Variants in ABCA10 observed in about 807,000 individuals in gnomAD.
The protein encoded by ABCA10 is ATP-binding cassette sub-family A member 10.
A neutral mutation model predicts 187.5 loss-of-function variants in ABCA10; 169 were observed. The ratio of observed to expected loss-of-function variants is 0.90; its 90% CI spans 0.80 to 1.02. The LOEUF is 1.02. Ranked by LOEUF, ABCA10 falls within the 50% of genes least tolerant of loss-of-function variation. The probability of loss-of-function intolerance (pLI) is 0.00; values close to 1 mark genes in which losing one functional copy is unlikely to be tolerated. For synonymous variants in ABCA10, 574 were observed against 601.8 expected, an observed-to-expected ratio of 0.95 and a Z score of 0.68; for missense variants, 1,727 against 1,812.4, an observed-to-expected ratio of 0.95 and a Z score of 0.86.
chr17:69,152,803 TAA>T (rs2074140520), intron 34 of ABCA10, among the ~76,000 whole-genome samples: 1 of 20,184 alleles, frequency 5.0e-5, no homozygotes, highest in Non-Finnish European at 1.9e-4. Context: ...TACAATTAAG[TAA>T]ATAAATAAAT....
rs560620724 is a variant in ABCA10, at chr17:69,225,777, G to A, written c.-171-248C>T. Among the ~76,000 whole-genome samples, 290 of 152,192 alleles carry A rather than the reference G, an allele frequency of 1.9e-3. No homozygotes were observed. In the Middle Eastern group the frequency reaches 0.034, roughly 18 times the overall value. ...ACCCAGTGATTTAGCACCCCTATTA[G>A]TGGGACTGCCATTGATTTTATGCCC... On this transcript the variant is annotated intron_variant, in intron 2 of 38. Coordinates refer to ENST00000690296, the MANE Select transcript of ABCA10 (RefSeq NM_001377321.1).
rs541854762 is a variant in ABCA10 at position 69,162,927 on chromosome 17, C to T, written c.3363+1147G>A. Among the ~76,000 whole-genome samples the T allele has an allele frequency of 2.4e-4, 36 of 151,790 alleles. No individual in the cohort carries two copies. The East Asian group carries it at 7.0e-3, about 30-fold the overall frequency. On this transcript the variant is annotated intron_variant, in intron 27 of 38. Transcript: ENST00000690296. ...AATCTCAGCTCACTGCAACCTCCAT[C>T]TCCTGGCTCAATCGATTCTCCTGCC...
chr17:69,233,668 T>C (rs980643517), upstream of ABCA10: 2 of 152,246 alleles, frequency 1.3e-5, no homozygotes, highest in South Asian at 2.1e-4. Flanking sequence ...GCATTTATTC[T>C]AGTTTCCCCA....
At chr17:69,208,665 T>C (rs2074611494) in intron 9 of ABCA10, among the ~76,000 whole-genome samples, 1 of 152,026 alleles carries the variant, frequency 6.6e-6, no homozygotes, top group African/African-American at 2.4e-5. Flanking sequence ...GGACAAAGGA[T>C]AAAACAAGAG....
chr17:69,151,513 C>T (rs2074127948), intron 36 of ABCA10, among the ~76,000 whole-genome samples: 1 of 152,146 alleles, frequency 6.6e-6, no homozygotes, highest in African/African-American at 2.4e-5. Flanking sequence ...AATTCAGCCT[C>T]ATTCTGCTAT....
intron 31 of ABCA10, 93 bp from the exon 32 acceptor site, chr17:69,154,102 A>G (rs1057220471): frequency 2.0e-6 from 3 of 1,503,714 alleles, no homozygotes; most frequent in African/African-American, 1.4e-5. Context: ...AAGCTACAAT[A>G]TTTTTTGAAT....
At chr17:69,195,595 G>T (rs2074493650) in intron 11 of ABCA10, among the ~76,000 whole-genome samples, 1 of 85,698 alleles carries the variant, frequency 1.2e-5, no homozygotes, top group Non-Finnish European at 2.3e-5. Context: ...TCATTCTTGG[G>T]TGTTTCTCAG....
chr17:69,164,482 G>T (rs1439059581), intron 26 of ABCA10, among the ~76,000 whole-genome samples: 1 of 152,116 alleles, frequency 6.6e-6, no homozygotes, highest in Admixed American at 6.5e-5. Context: ...TTTAGTTTCT[G>T]TCAGAAGTGG....
At chr17:69,223,585 A>G (rs1329567896) in intron 3 of ABCA10, 2 of 379,428 alleles carry the variant, frequency 5.3e-6, no homozygotes, top group South Asian at 1.9e-5. Flanking sequence ...GGTGAAATCT[A>G]CATTAAGATG....
At chr17:69,156,189 T>C (rs1175785961) in intron 28 of ABCA10, among the ~76,000 whole-genome samples, 1 of 152,182 alleles carries the variant, frequency 6.6e-6, no homozygotes. Flanking sequence ...ATCACTCAAA[T>C]GTAGACATAC....
chr17:69,160,293 T>C (rs757191194), intron 27 of ABCA10, among the ~76,000 whole-genome samples: 4 of 152,056 alleles, frequency 2.6e-5, no homozygotes, highest in Non-Finnish European at 5.9e-5. Flanking sequence ...ACAACAAAAA[T>C]TCAAATAACC....
intron 4 of ABCA10, among the ~76,000 whole-genome samples, chr17:69,222,291 T>C (rs1212538319): frequency 6.8e-6 from 1 of 147,358 alleles, no homozygotes; most frequent in Non-Finnish European, 1.5e-5. Context: ...TGAGCCAAGA[T>C]CGCGCCACTG....
intron 9 of ABCA10, among the ~76,000 whole-genome samples, chr17:69,204,867 A>T (rs9904672): frequency 6.6e-6 from 1 of 152,128 alleles, no homozygotes; most frequent in Non-Finnish European, 1.5e-5. Context: ...AGTGGCTCAC[A>T]CCTGAAATCC....
At chr17:69,221,653 G>A (rs946346581) in intron 5 of ABCA10, 139 bp downstream of exon 5, 1 of 717,516 alleles carries the variant, frequency 1.4e-6, no homozygotes, top group Non-Finnish European at 2.2e-6. Context: ...ATTCCCATGT[G>A]ACAGCTTTTG....
At position 69,152,409 on chromosome 17, in the gene ABCA10, A is replaced by T; in HGVS notation, c.4209T>A (p.Ala1403=). ...TLLTTHYMSE[A]EAVCDRMAMM... Reference sequence around the variant, plus strand: ...TGGCCATACGGTCACACACAGCCTCAGCCTCTGACATGTAATGGGTGGTCA... The same window carrying T: ...TGGCCATACGGTCACACACAGCCTCTGCCTCTGACATGTAATGGGTGGTCA... The change falls in exon 35 of 39, where the codon GCT becomes GCA. Residue 1403 remains alanine (A), a synonymous_variant. Transcript: ENST00000690296. The T allele has an allele frequency of 6.2e-7, 1 of 1,614,066 alleles. No homozygotes were observed. The highest frequency in any genetic ancestry group is 8.5e-7 in the Non-Finnish European group (1 of 1,179,958).
rs151007615 is a variant in ABCA10 at position 69,221,877 on chromosome 17, T to C, written c.218A>G (p.His73Arg). The C allele has an allele frequency of 1.9e-6, 3 of 1,613,114 alleles. No homozygotes were observed. Among genetic ancestry groups the C allele is most frequent in the Admixed American group, 1.7e-5 (1 of 59,900 alleles). ...SEYTEHCWAM[H>R]GEIFCYLAKY... ...TGCCAAGTAACAAAAAATTTCACCATGCATGGCCCAACAGTGTTCTTTAAG... is the reference window on the plus strand; with the variant it reads ...TGCCAAGTAACAAAAAATTTCACCACGCATGGCCCAACAGTGTTCTTTAAG... The change falls in exon 5 of 39, where the codon CAT becomes CGT. Residue 73 changes from histidine (H) to arginine (R), a missense_variant. By Grantham distance (29) the His-to-Arg change is conservative. Coordinates refer to ENST00000690296, the MANE Select transcript of ABCA10 (RefSeq NM_001377321.1).
At chr17:69,238,053 T>A (rs1358958727) in intron 1 of ABCA10, among the ~76,000 whole-genome samples, 1 of 151,654 alleles carries the variant, frequency 6.6e-6, no homozygotes, top group Non-Finnish European at 1.5e-5. Flanking sequence ...TCCCAGCTAC[T>A]CGGGAGGCTG....
chr17:69,195,815 G>A (rs1242368398), intron 11 of ABCA10, among the ~76,000 whole-genome samples: 4 of 151,790 alleles, frequency 2.6e-5, no homozygotes, highest in Non-Finnish European at 4.4e-5. Context: ...ATCTTGCACC[G>A]CCCTTAATCC....
At position 69,206,434 on chromosome 17, in the gene ABCA10, C is replaced by T. The variant is rs77540581; in HGVS notation, c.1007-4766G>A. Among the ~76,000 whole-genome samples the T allele has an allele frequency of 4.5e-4, 69 of 152,182 alleles. No homozygotes were observed. In the South Asian group the frequency reaches 0.014, roughly 31 times the overall value. On this transcript the variant is annotated intron_variant, in intron 9 of 38. Transcript: ENST00000690296. Reference sequence around the variant, plus strand: ...ATACCTTCACAAGCGCTAAGGAAACCAGCTGACAGAGTACAGCACCTGAGT... The same window carrying T: ...ATACCTTCACAAGCGCTAAGGAAACTAGCTGACAGAGTACAGCACCTGAGT...
Sources: allele counts gnomAD v4.1 joint callset (sites outside exome capture counted in the v4.1 genomes callset), GRCh38; gene constraint gnomAD v4.1.1; transcripts MANE v1.5; gene names NCBI Gene and HGNC (gene_info 2026-07-23, HGNC 2026-07-21).